The following MMP26 variants were observed in gnomAD, a reference collection of about 807,000 sequenced individuals.
MMP26 encodes the protein matrix metalloproteinase-26.
MMP26 carries 33 observed loss-of-function variants against 31.0 expected under a neutral mutation model. The observed-to-expected ratio is 1.06, with a 90% CI of 0.81 to 1.42. The LOEUF (loss-of-function observed/expected upper bound fraction) is 1.42, where lower values mean the gene tolerates loss of function less well. Among genes scored for constraint, MMP26 ranks in the 40% most tolerant of loss-of-function variants. The probability of loss-of-function intolerance (pLI) is 0.00; values close to 1 mark genes in which losing one functional copy is unlikely to be tolerated. For synonymous variants in MMP26, 122 were observed against 114.9 expected, an observed-to-expected ratio of 1.06 and a Z score of -0.40; for missense variants, 347 against 316.1, an observed-to-expected ratio of 1.10 and a Z score of -0.74.
At chr11:4,890,549 C>T (rs1274853758) in intron 2 of MMP26, 1 of 152,488 alleles carries the variant, frequency 6.6e-6, no homozygotes, top group African/African-American at 2.4e-5. Flanking sequence ...GTATTCCAAT[C>T]AGAAAGAAGG....
chr11:4,930,980 AC>A (rs1851338742), intron 2 of MMP26, among the ~76,000 whole-genome samples: 1 of 152,074 alleles, frequency 6.6e-6, no homozygotes, highest in South Asian at 2.1e-4. Context: ...AAGTATAGAT[AC>A]AACTAAAGAT....
At chr11:4,805,973 A>T (rs1849263619) in intron 2 of MMP26, among the ~76,000 whole-genome samples, 1 of 152,110 alleles carries the variant, frequency 6.6e-6, no homozygotes, top group Non-Finnish European at 1.5e-5. Context: ...AAAGAGAAAC[A>T]CCTGGGCAAG....
intron 2 of MMP26, chr11:4,848,271 C>A (rs200546421): frequency 2.5e-6 from 4 of 1,612,804 alleles, no homozygotes; most frequent in South Asian, 1.1e-5. Context: ...GGGCTGCAAC[C>A]TGTTGAGTAT....
intron 2 of MMP26, among the ~76,000 whole-genome samples, chr11:4,820,016 A>G (rs1849473932): frequency 6.6e-6 from 1 of 152,192 alleles, no homozygotes; most frequent in South Asian, 2.1e-4. Flanking sequence ...AGAGCTTCAT[A>G]TCTCCACAGT....
intron 2 of MMP26, among the ~76,000 whole-genome samples, chr11:4,855,370 C>A (rs1713715662): frequency 2.0e-5 from 3 of 152,072 alleles, no homozygotes; most frequent in African/African-American, 7.2e-5. Context: ...ATAGAGAAGA[C>A]CTTAAATGAC....
At chr11:4,886,961 A>AT (rs1261504566) in intron 2 of MMP26, among the ~76,000 whole-genome samples, 1 of 151,820 alleles carries the variant, frequency 6.6e-6, no homozygotes, top group Non-Finnish European at 1.5e-5. Flanking sequence ...TTCTTAATTT[A>AT]TTTTTTTGTG....
Position 4,917,505 on chromosome 11 carries a change from C to G in MMP26, c.-144-70563C>G, listed in dbSNP as rs569438640. ...AATAAATAAACTGATTGGAGAAACA[C>G]ACATAAAGATATACACAGACACTTT... On this transcript the variant is annotated intron_variant, in intron 2 of 7. Coordinates refer to ENST00000380390, the MANE Select transcript of MMP26 (RefSeq NM_021801.5). Among the ~76,000 whole-genome samples, 6 of 152,268 alleles carry G rather than the reference C, an allele frequency of 3.9e-5. No homozygotes were observed. In the South Asian group the frequency reaches 1.2e-3, roughly 32 times the overall value.
At chr11:4,987,897 T>C (rs911517199) in intron 2 of MMP26, among the ~76,000 whole-genome samples, 171 bp from the exon 3 acceptor site, 2 of 152,124 alleles carry the variant, frequency 1.3e-5, no homozygotes, top group Non-Finnish European at 2.9e-5. Flanking sequence ...TTTCTTGTTT[T>C]CCCCCCTATT....
chr11:4,723,718 T>A, intron 1 of MMP26: 1 of 1,085,954 alleles, frequency 9.2e-7, no homozygotes. Context: ...GCCCAGAGTG[T>A]CCAGTTGCCG....
intron 1 of MMP26, among the ~76,000 whole-genome samples, chr11:4,721,805 A>G (rs1848016733): frequency 6.6e-6 from 1 of 152,190 alleles, no homozygotes; most frequent in African/African-American, 2.4e-5. Flanking sequence ...TTGGGTTCAC[A>G]AAACCAAAGG....
chr11:4,893,971 C>A (rs1237524585), intron 2 of MMP26, among the ~76,000 whole-genome samples: 1 of 151,458 alleles, frequency 6.6e-6, no homozygotes, highest in Non-Finnish European at 1.5e-5. Flanking sequence ...ATATCCTTTA[C>A]AAAATATTAA....
chr11:4,944,120 A>G, intron 2 of MMP26: 1 of 455,876 alleles, frequency 2.2e-6, no homozygotes, highest in Non-Finnish European at 4.4e-6. Context: ...GGTTTTGGAA[A>G]AGGTAGATAG....
chr11:4,907,758 T>G (rs762443765), intron 2 of MMP26: 29 of 1,613,970 alleles, frequency 1.8e-5, no homozygotes, highest in Non-Finnish European at 2.3e-5. Flanking sequence ...CACAATCCCT[T>G]AAGATACAGT....
intron 1 of MMP26, among the ~76,000 whole-genome samples, chr11:4,738,552 G>C (rs4132541): frequency 0.17 from 26,390 of 152,112 alleles, 2,764 homozygotes; most frequent in African/African-American, 0.3. Context: ...AGCAGTTCTT[G>C]TCTCAGTAGT....
At chr11:4,976,211 C>A (rs779382071) in intron 2 of MMP26, among the ~76,000 whole-genome samples, 6 of 151,906 alleles carry the variant, frequency 3.9e-5, no homozygotes, top group Non-Finnish European at 8.8e-5. Context: ...GTTGAAGTAA[C>A]AGATACAGAA....
intron 2 of MMP26, among the ~76,000 whole-genome samples, 196 bp downstream of exon 2, chr11:4,767,537 G>A (rs1366146781): frequency 6.6e-6 from 1 of 152,004 alleles, no homozygotes; most frequent in Non-Finnish European, 1.5e-5. Flanking sequence ...ACTGTGTGCT[G>A]ATAAACTGAA....
At chr11:4,918,051 A>G (rs12808478) in intron 2 of MMP26, among the ~76,000 whole-genome samples, 13,516 of 151,992 alleles carry the variant, frequency 0.089, 808 homozygotes, top group Non-Finnish European at 0.12. Context: ...CAGGCTCTGT[A>G]TTAGGGACAT....
chr11:4,722,927 G>C, intron 1 of MMP26: 2 of 781,676 alleles, frequency 2.6e-6, no homozygotes, highest in Non-Finnish European at 4.6e-6. Context: ...TAGACCACCT[G>C]CATAGACACT....
At chr11:4,986,127 A>G (rs1589824581) in intron 2 of MMP26, among the ~76,000 whole-genome samples, 1 of 152,302 alleles carries the variant, frequency 6.6e-6, no homozygotes, top group East Asian at 1.9e-4. Context: ...GTATTTCGTT[A>G]ATAGATTTGA....
Sources: gnomAD v4.1 joint callset for allele counts (sites outside exome capture counted in the v4.1 genomes callset) on GRCh38, gnomAD v4.1.1 for gene constraint, MANE v1.5 for transcripts, NCBI Gene and HGNC (gene_info 2026-07-23, HGNC 2026-07-21) for gene names.